Variants in DBF4B observed in about 807,000 individuals in gnomAD.
DBF4B encodes DBF4B-CDC7 kinase regulatory subunit, also known as protein DBF4 homolog B.
DBF4B carries 49 observed loss-of-function variants against 53.4 expected under a neutral mutation model. That is an observed-to-expected ratio of 0.92 (90% CI 0.73 to 1.16). The LOEUF (loss-of-function observed/expected upper bound fraction) is 1.16. DBF4B is among the 50% of genes most tolerant of loss of function. DBF4B has a pLI of 0.00. For missense variants in DBF4B, 692 were observed against 775.0 expected, an observed-to-expected ratio of 0.89 and a Z score of 1.27; for synonymous variants, 257 against 288.7, an observed-to-expected ratio of 0.89 and a Z score of 1.11.
At chr17:44,743,327 T>G (rs1378814828) in intron 10 of DBF4B, among the ~76,000 whole-genome samples, 3 of 152,232 alleles carry the variant, frequency 2.0e-5, no homozygotes, top group Non-Finnish European at 4.4e-5. Flanking sequence ...GAAGAAGTGT[T>G]TAAATTTTTA....
In DBF4B at chr17:44,750,835, C is replaced by A. The variant is rs780772310; in HGVS notation, c.1430C>A (p.Pro477His). 2 of 1,614,230 alleles carry A rather than the reference C, an allele frequency of 1.2e-6. No individual in the cohort carries two copies. Among genetic ancestry groups the A allele is most frequent in the African/African-American group, 2.7e-5 (2 of 75,058 alleles). Residue 477 changes from proline (P) to histidine (H), a missense_variant, in exon 14 of 14, where the codon CCC becomes CAC. By Grantham distance (77) the Pro-to-His change is moderately conservative (BLOSUM62 -2). Coordinates refer to ENST00000315005, the MANE Select transcript of DBF4B (RefSeq NM_145663.3). ...CCTGCAGAGGACATGCCCCTCCATC[C>A]CTCCCAAGAAAACTCCTTTGCCCCG... ...WSPAEDMPLH[P>H]SQENSFAPAD...
intron 2 of DBF4B, among the ~76,000 whole-genome samples, chr17:44,717,432 C>T (rs1159408360): frequency 2.6e-5 from 4 of 152,058 alleles, no homozygotes; most frequent in African/African-American, 9.7e-5. Context: ...CCAGGCTGGG[C>T]GTGGTGGCTC....
intron 3 of DBF4B, among the ~76,000 whole-genome samples, chr17:44,726,388 C>T (rs1375970707): frequency 6.6e-6 from 1 of 150,662 alleles, no homozygotes. Context: ...CTGGGAGGGG[C>T]AGGGCAATGC....
In DBF4B at chr17:44,747,172, C is replaced by A. The variant is rs763351525; in HGVS notation, c.920C>A (p.Ala307Asp). The A allele has an allele frequency of 1.9e-6, 3 of 1,614,038 alleles. No homozygotes were observed. Among genetic ancestry groups the A allele is most frequent in the Non-Finnish European group, 2.5e-6 (3 of 1,180,036 alleles). Residue 307 changes from alanine to aspartate, a missense_variant, in exon 11 of 14, where the codon GCC (alanine) becomes GAC (aspartate). This residue lies in a region of DBF4B where 597 missense variants were observed against 665.8 expected (regional missense o/e 0.90). Coordinates refer to ENST00000315005, the MANE Select transcript of DBF4B (RefSeq NM_145663.3). ...GGCTACTGCGAGTGCTGTCAGGAGG[C>A]CTTCGAGGAGCTCCATGTGGTGAGC... ...KKGYCECCQEAFEELHVHLQS... is the reference protein window; with the variant it reads ...KKGYCECCQEDFEELHVHLQS...
intron 3 of DBF4B, among the ~76,000 whole-genome samples, chr17:44,724,092 G>A (rs944039225): frequency 1.3e-5 from 2 of 152,044 alleles, no homozygotes; most frequent in African/African-American, 4.8e-5. Flanking sequence ...CTGGGCAACA[G>A]AGTGAGACCT....
At chr17:44,726,874 G>A (rs1311303592) in intron 3 of DBF4B, among the ~76,000 whole-genome samples, 5 of 151,872 alleles carry the variant, frequency 3.3e-5, no homozygotes, top group East Asian at 1.9e-4. Flanking sequence ...CGAGGCGGGC[G>A]GATCACTTAA....
At chr17:44,725,927 A>G (rs1413055121) in intron 3 of DBF4B, among the ~76,000 whole-genome samples, 3 of 151,414 alleles carry the variant, frequency 2.0e-5, no homozygotes, top group African/African-American at 4.9e-5. Flanking sequence ...GATTCAAGTA[A>G]TCCTCCCACC....
intron 8 of DBF4B, among the ~76,000 whole-genome samples, chr17:44,738,154 A>G (rs958742182): frequency 1.3e-5 from 2 of 152,248 alleles, no homozygotes; most frequent in Non-Finnish European, 2.9e-5. Flanking sequence ...CTAGGGCTTC[A>G]GTGTTAACTG....
chr17:44,733,803 A>T (rs1197605299), intron 6 of DBF4B: 1 of 394,746 alleles, frequency 2.5e-6, no homozygotes, highest in African/African-American at 2.0e-5. Flanking sequence ...GTGGTGCCTT[A>T]AAGTCCTTAG....
At chr17:44,730,817 T>A (rs1974767283) in intron 4 of DBF4B, 148 bp from the exon 5 acceptor site, 2 of 774,470 alleles carry the variant, frequency 2.6e-6, no homozygotes, top group Non-Finnish European at 4.1e-6. Flanking sequence ...TTCTAGGCTC[T>A]CATTTCTACC....
At chr17:44,742,657 C>T (rs1006098680) in intron 10 of DBF4B, among the ~76,000 whole-genome samples, 1 of 151,986 alleles carries the variant, frequency 6.6e-6, no homozygotes, top group Non-Finnish European at 1.5e-5. Context: ...ATTTTACAAG[C>T]TCTCATGTGA....
intron 2 of DBF4B, among the ~76,000 whole-genome samples, chr17:44,715,518 C>T (rs1973244783): frequency 6.6e-6 from 1 of 151,912 alleles, no homozygotes; most frequent in Admixed American, 6.6e-5. Flanking sequence ...TTTTCTCTCC[C>T]ATTTTGCATC....
chr17:44,749,605 C>A lies in DBF4B; in HGVS notation c.1190-990C>A. 1 of 1,188,984 alleles carries A rather than the reference C, an allele frequency of 8.4e-7. No individual in the cohort carries two copies. The highest frequency in any genetic ancestry group is 1.1e-6 in the Non-Finnish European group (1 of 941,184). The allele number at this position is 1,188,984 out of a possible 1,614,324, so 73.7% of individuals were successfully genotyped here. A position where few individuals can be genotyped will look rare whatever the true frequency, so the allele number is the denominator to read the frequency against. ...TGGGGGCTGCCCTCTCCTACCCCTG[C>A]CTCCTGCCATGTTCCTGACCAGGCA... On this transcript the variant is annotated intron_variant, in intron 13 of 13. Coordinates refer to ENST00000315005, the MANE Select transcript of DBF4B (RefSeq NM_145663.3). This position sits in a 1 kb window ranked among gnomAD's most constrained non-coding sequence, Gnocchi z 4.4.
At chr17:44,738,754 T>C (rs1440245446) in intron 9 of DBF4B, among the ~76,000 whole-genome samples, 1 of 152,226 alleles carries the variant, frequency 6.6e-6, no homozygotes, top group Non-Finnish European at 1.5e-5. Flanking sequence ...TCCTTTCCCC[T>C]TGGGTGTATG....
Position 44,750,801 on chromosome 17 carries a change from G to C in DBF4B, c.1396G>C (p.Glu466Gln), listed in dbSNP as rs367814116. The change falls in exon 14 of 14, where the codon GAG (glutamate) becomes CAG (glutamine). Residue 466 changes from glutamate to glutamine, a missense_variant. By Grantham distance (29) the Glu-to-Gln change is conservative (BLOSUM62 2). This residue lies in a region of DBF4B where 597 missense variants were observed against 665.8 expected (regional missense o/e 0.90). Transcript: ENST00000315005. ...LVTSLALLPG[E>Q]WSPAEDMPLH... Reference sequence around the variant, plus strand: ...CACTTCCTTGGCTCTGCTGCCTGGGGAGTGGTCGCCTGCAGAGGACATGCC... The same window carrying C: ...CACTTCCTTGGCTCTGCTGCCTGGGCAGTGGTCGCCTGCAGAGGACATGCC... The C allele has an allele frequency of 6.2e-7, 1 of 1,614,212 alleles. No individual in the cohort carries two copies. The highest frequency in any genetic ancestry group is 8.5e-7 in the Non-Finnish European group (1 of 1,180,048).
At chr17:44,743,042 G>A (rs962527076) in intron 10 of DBF4B, among the ~76,000 whole-genome samples, 5 of 152,212 alleles carry the variant, frequency 3.3e-5, no homozygotes, top group Admixed American at 3.3e-4. Context: ...AGGGAATGTG[G>A]CAGTAGATGA....
At chr17:44,732,062 C>A in intron 5 of DBF4B, 116 bp from the exon 6 acceptor site, 1 of 914,970 alleles carries the variant, frequency 1.1e-6, no homozygotes, top group Non-Finnish European at 1.7e-6. Flanking sequence ...TACCTGCCTC[C>A]CTGCAGTCCC....
chr17:44,747,635 C>A, intron 12 of DBF4B, 120 bp downstream of exon 12: 1 of 1,340,896 alleles, frequency 7.5e-7, no homozygotes, highest in Non-Finnish European at 1.0e-6. Flanking sequence ...CCTCTTTTCT[C>A]ACCTTCCTTT....
chr17:44,747,113 A>G lies in DBF4B; in HGVS notation c.861A>G (p.Arg287=). Residue 287 remains arginine (R), a synonymous_variant, in exon 11 of 14, where the codon CGA becomes CGG. Transcript: ENST00000315005. ...CCAAGGATGGAGAGCCAAGCCCACG[A>G]TCAGCTGCCCACACCATGCCCAGGA... ...RESKDGEPSP[R]SAAHTMPRRK... 1 of 1,614,144 alleles carries G rather than the reference A, an allele frequency of 6.2e-7. No individual in the cohort carries two copies. The highest frequency in any genetic ancestry group is 8.5e-7 in the Non-Finnish European group (1 of 1,180,016).
Sources: allele counts gnomAD v4.1 joint callset (sites outside exome capture counted in the v4.1 genomes callset), GRCh38; gene constraint gnomAD v4.1.1; regional missense constraint gnomAD v4.1.1; non-coding constraint Gnocchi (gnomAD v3.1); transcripts MANE v1.5; gene names NCBI Gene and HGNC (gene_info 2026-07-23, HGNC 2026-07-21).